SYN1: variants seen among roughly 807,000 people sequenced by gnomAD.
SYN1 encodes the protein synapsin I, also known as synapsin-1.
A neutral mutation model predicts 44.6 loss-of-function variants in SYN1; 8 were observed. The observed-to-expected ratio is 0.18, with a 90% CI of 0.11 to 0.32. The LOEUF is 0.32. Ranked by LOEUF, SYN1 falls within the 10% of genes least tolerant of loss-of-function variation. The pLI is 1.00. For missense variants in SYN1, 451 were observed against 639.4 expected, an observed-to-expected ratio of 0.71 and a Z score of 3.18; for synonymous variants, 275 against 280.1, an observed-to-expected ratio of 0.98 and a Z score of 0.18.
At chrX:47,591,487 G>A (rs1342547498) in intron 5 of SYN1, among the ~76,000 whole-genome samples, 3 of 110,834 alleles carry the variant, frequency 2.7e-5, no homozygotes, top group Admixed American at 1.9e-4. Context: ...TTGGGAGGCC[G>A]AGGCGGGTGG....
chrX:47,585,582 G>A (rs2057821046), intron 5 of SYN1: 1 of 1,198,184 alleles, frequency 8.3e-7, no homozygotes, highest in Admixed American at 2.2e-5. Context: ...ACTACCTGCA[G>A]TTTTGTGGCT....
At chrX:47,614,322 G>C (rs2057925159) in intron 1 of SYN1, among the ~76,000 whole-genome samples, 1 of 111,493 alleles carries the variant, frequency 9.0e-6, no homozygotes, top group Admixed American at 9.5e-5. Flanking sequence ...TTGTACAGCA[G>C]CTACAGCCTG....
At chrX:47,612,774 T>C (rs1255120053) in intron 1 of SYN1, among the ~76,000 whole-genome samples, 2 of 111,754 alleles carry the variant, frequency 1.8e-5, no homozygotes, top group Non-Finnish European at 3.8e-5. Context: ...ATAAAAAGAC[T>C]GGAAGATCCA....
At chrX:47,619,304 C>A (rs745771567) in intron 1 of SYN1, 48 bp downstream of exon 1, 2 of 1,196,762 alleles carry the variant, frequency 1.7e-6, no homozygotes, top group South Asian at 1.8e-5. Context: ...CGCAGAAGAA[C>A]GATCTGGGGA....
At chrX:47,585,184 C>A in intron 5 of SYN1, 1 of 1,172,610 alleles carries the variant, frequency 8.5e-7, no homozygotes. Flanking sequence ...AAAAGAGACA[C>A]TTCCCCTCAT....
chrX:47,585,368 C>G (rs1569325876), intron 5 of SYN1: 1 of 1,209,619 alleles, frequency 8.3e-7, no homozygotes, highest in Non-Finnish European at 1.1e-6. Context: ...CCACACCAAC[C>G]AGTCCCTGGG....
In SYN1 at chrX:47,619,273, G is replaced by A. The variant is rs762838927; in HGVS notation, c.377+79C>T. The stretch of plus-strand genomic sequence containing the variant: ...AGGGCCAGGTGTCAGGCACACAAGC[G>A]GCGCTCGATAATTGCTCATTCGCAG... On this transcript the variant is annotated intron_variant, in intron 1 of 12. Transcript: ENST00000295987. 1.9e-5 allele frequency: 22 copies of A among 1,171,044 alleles called. No homozygotes were observed. The Middle Eastern group carries it at 9.8e-4, about 52-fold the overall frequency.
chrX:47,583,044 G>A (rs945171979), intron 5 of SYN1, among the ~76,000 whole-genome samples: 2 of 88,629 alleles, frequency 2.3e-5, no homozygotes, highest in Admixed American at 1.4e-4. Context: ...AAACTCTGCC[G>A]TCTCCAAACT....
intron 5 of SYN1, among the ~76,000 whole-genome samples, chrX:47,584,131 C>A (rs1399595061): frequency 9.0e-6 from 1 of 111,429 alleles, no homozygotes; most frequent in Non-Finnish European, 1.9e-5. Flanking sequence ...TTGCTGAAGG[C>A]AGGCCAAGGG....
At chrX:47,583,799 G>A (rs866299076) in intron 5 of SYN1, among the ~76,000 whole-genome samples, 98 of 111,753 alleles carry the variant, frequency 8.8e-4, no homozygotes, top group African/African-American at 2.9e-3. Context: ...CACCTTCTCA[G>A]GATGGCCTTC....
chrX:47,608,886 GACACACACACAC>G (rs34092010), intron 1 of SYN1, among the ~76,000 whole-genome samples: 2 of 89,552 alleles, frequency 2.2e-5, no homozygotes, highest in East Asian at 3.4e-4. Flanking sequence ...GTCTTGGACA[GACACACACACAC>G]ACACACACAC....
chrX:47,604,168 C>T lies in SYN1; in HGVS notation c.774+810G>A, dbSNP rs190224585. On this transcript the variant is annotated intron_variant, in intron 5 of 12. Coordinates refer to ENST00000295987, the MANE Select transcript of SYN1 (RefSeq NM_006950.3). ...AGGTGATCCGCCCACTTCGGCCTCC[C>T]GAAGTGTTGGGATTACAGGCATGAG... Among the ~76,000 whole-genome samples the T allele has an allele frequency of 7.6e-3, 845 of 110,970 alleles. 10 individuals are homozygous for T. Among genetic ancestry groups the T allele is most frequent in the African/African-American group, 0.027 (811 of 30,488 alleles).
At chrX:47,590,512 G>A (rs1660213088) in intron 5 of SYN1, among the ~76,000 whole-genome samples, 2 of 112,257 alleles carry the variant, frequency 1.8e-5, no homozygotes, top group South Asian at 7.4e-4. Flanking sequence ...TGAGACTTGG[G>A]GATCATAGCA....
chrX:47,577,996 C>G (rs1458255759), intron 5 of SYN1, among the ~76,000 whole-genome samples: 1 of 110,465 alleles, frequency 9.1e-6, no homozygotes, highest in East Asian at 2.8e-4. Context: ...CTCAGATGTA[C>G]ATCGCCAAAC....
rs1376345312 is a variant in SYN1 at position 47,576,115 on chromosome X, C to T, written c.1158+16G>A. On this transcript the variant is annotated intron_variant, in intron 9 of 12. Transcript: ENST00000295987. ...CTGTTCCTCCCTCTACCCCACCTAC[C>T]CCTGGGTGCTCATACCTCAATGATG... The T allele has an allele frequency of 5.9e-6, 7 of 1,184,502 alleles. No homozygotes were observed. The highest frequency in any genetic ancestry group is 2.4e-5 in the Admixed American group (1 of 42,362).
At chrX:47,577,186 C>G (rs1214112828) in intron 6 of SYN1, among the ~76,000 whole-genome samples, 6 of 110,996 alleles carry the variant, frequency 5.4e-5, no homozygotes, top group Non-Finnish European at 7.5e-5. Flanking sequence ...AGCAAAATAA[C>G]AGGACACACA....
At chrX:47,597,161 C>T (rs1384361340) in intron 5 of SYN1, among the ~76,000 whole-genome samples, 1 of 109,369 alleles carries the variant, frequency 9.1e-6, no homozygotes, top group African/African-American at 3.3e-5. Context: ...CGGTGAAACC[C>T]CCCTCTCAAC....
chrX:47,573,169 T>C (rs1283337255), intron 12 of SYN1, among the ~76,000 whole-genome samples, 170 bp from the exon 13 acceptor site: 2 of 111,646 alleles, frequency 1.8e-5, no homozygotes, highest in Non-Finnish European at 3.8e-5. Flanking sequence ...TAACAGGTTC[T>C]CAAGGCTGGG....
At chrX:47,601,818 A>G (rs2057880647) in intron 5 of SYN1, among the ~76,000 whole-genome samples, 2 of 112,333 alleles carry the variant, frequency 1.8e-5, no homozygotes, top group Non-Finnish European at 3.8e-5. Context: ...ATTTATACCA[A>G]GGCCAAGTGA....
Sources: allele counts gnomAD v4.1 joint callset (sites outside exome capture counted in the v4.1 genomes callset), GRCh38; gene constraint gnomAD v4.1.1; transcripts MANE v1.5; gene names NCBI Gene and HGNC (gene_info 2026-07-23, HGNC 2026-07-21).